CYB561A3: variants seen among roughly 807,000 people sequenced by gnomAD.
CYB561A3 encodes cytochrome b561 family member A3.
CYB561A3 carries 16 observed loss-of-function variants against 25.3 expected under a neutral mutation model. That is an observed-to-expected ratio of 0.63 (90% CI 0.43 to 0.96). The LOEUF is 0.96. Ranked by LOEUF, CYB561A3 falls within the 40% of genes least tolerant of loss-of-function variation. The pLI is 0.00. For synonymous variants in CYB561A3, 131 were observed against 129.9 expected (o/e 1.01, Z -0.06); for missense variants, 219 against 307.5 (o/e 0.71, Z 2.15).
Position 61,351,117 on chromosome 11 carries a change from C to T in CYB561A3, c.579G>A (p.Leu193=). The T allele has an allele frequency of 1.9e-6, 3 of 1,613,710 alleles. No individual in the cohort carries two copies. Among genetic ancestry groups the T allele is most frequent in the Non-Finnish European group, 2.5e-6 (3 of 1,179,840 alleles). The change falls in exon 6 of 7, where the codon CTG becomes CTA. Residue 193 remains leucine (L), a synonymous_variant. Transcript: ENST00000294072. ...LKNTTRPYHS[L]PSEAVFANST... is the part of the protein sequence containing the mutation. The stretch of plus-strand genomic sequence containing the variant: ...TGTTGGCAAAGACCGCCTCACTGGG[C>T]AGGCTGTGGTATGGCCTGGTGGTGT...
chr11:61,351,912 T>C (rs1857428358), intron 5 of CYB561A3: 1 of 152,114 alleles, frequency 6.6e-6, no homozygotes, highest in African/African-American at 2.4e-5. Context: ...AGATGCTATC[T>C]CTTGGCTGGG....
intron 3 of CYB561A3, among the ~76,000 whole-genome samples, chr11:61,355,613 G>A (rs1029784239): frequency 2.0e-5 from 3 of 151,548 alleles, no homozygotes; most frequent in Admixed American, 6.6e-5. Context: ...CCCAGGAGGC[G>A]GAGGTTGCAG....
intron 2 of CYB561A3, chr11:61,357,209 C>T: frequency 6.4e-7 from 1 of 1,551,512 alleles, no homozygotes; most frequent in East Asian, 2.4e-5. Context: ...TTACCCTAGA[C>T]AGGAAGGAGT....
intron 5 of CYB561A3, chr11:61,352,505 C>CA (rs1424148351): frequency 6.0e-6 from 1 of 167,032 alleles, no homozygotes; most frequent in Non-Finnish European, 1.3e-5. Context: ...ACTAAAAATT[C>CA]AAAAAATTAG....
chr11:61,352,938 C>T, intron 5 of CYB561A3, 47 bp downstream of exon 5: 2 of 1,613,892 alleles, frequency 1.2e-6, no homozygotes, highest in South Asian at 2.2e-5. Context: ...TTTGAAGACC[C>T]TATTCCCTCC....
chr11:61,353,311 C>A, intron 4 of CYB561A3, 172 bp from the exon 5 acceptor site: 1 of 806,356 alleles, frequency 1.2e-6, no homozygotes, highest in Non-Finnish European at 1.9e-6. Context: ...GCCTATTACC[C>A]AAGCAACAAG....
At chr11:61,357,139 C>T in intron 2 of CYB561A3, 3 of 1,527,852 alleles carry the variant, frequency 2.0e-6, no homozygotes, top group Non-Finnish European at 2.7e-6. Flanking sequence ...AACACCCAGG[C>T]CTTGGGTTCT....
intron 1 of CYB561A3, 61 bp from the exon 2 acceptor site, chr11:61,357,889 G>A (rs930266600): frequency 2.6e-5 from 4 of 152,348 alleles, no homozygotes; most frequent in Admixed American, 6.5e-5. Context: ...CACCAGCTAC[G>A]AGCACCAGAG....
chr11:61,349,838 C>T lies in CYB561A3; in HGVS notation c.*561G>A. 1 of 583,768 alleles carries T rather than the reference C, an allele frequency of 1.7e-6. No homozygotes were observed. The highest frequency in any genetic ancestry group is 3.1e-6 in the Non-Finnish European group (1 of 323,726). The allele number at this position is 583,768 out of a possible 1,614,324, so 36.2% of individuals were successfully genotyped here. On this transcript the variant is annotated 3_prime_UTR_variant, in exon 7 of 7. Transcript: ENST00000294072. Reference sequence around the variant, plus strand: ...TGGATGGCAGAGCAGATGAAGCCTGCTCTGTGGCGGGGCAGCCTAACTGAA... The same window carrying T: ...TGGATGGCAGAGCAGATGAAGCCTGTTCTGTGGCGGGGCAGCCTAACTGAA...
intron 3 of CYB561A3, among the ~76,000 whole-genome samples, chr11:61,355,859 G>A (rs1043995773): frequency 3.9e-5 from 6 of 152,030 alleles, no homozygotes; most frequent in African/African-American, 1.4e-4. Context: ...GGAGGCTGAG[G>A]TGGGCAGATC....
In CYB561A3 at chr11:61,353,957, C is replaced by A; in HGVS notation, c.220G>T (p.Gly74Trp). Residue 74 changes from glycine to tryptophan, a missense_variant, in exon 4 of 7, where the codon GGG (glycine) becomes TGG (tryptophan). Coordinates refer to ENST00000294072, the MANE Select transcript of CYB561A3 (RefSeq NM_153611.6). ...AGGAGTTTCCAGGGCAGTTTGGGCCCCACCCACGACTGGGGCAGGCGGTAC... is the reference window on the plus strand; with the variant it reads ...AGGAGTTTCCAGGGCAGTTTGGGCCACACCCACGACTGGGGCAGGCGGTAC... ...LVYRLPQSWV[G>W]PKLPWKLLHA... 1 of 1,614,134 alleles carries A rather than the reference C, an allele frequency of 6.2e-7. No individual in the cohort carries two copies. Among genetic ancestry groups the A allele is most frequent in the East Asian group, 2.2e-5 (1 of 44,870 alleles).
Position 61,351,165 on chromosome 11 carries a change from A to G in CYB561A3, c.549-18T>C, listed in dbSNP as rs1857389369. 1 of 1,601,826 alleles carries G rather than the reference A, an allele frequency of 6.2e-7. No individual in the cohort carries two copies. Among genetic ancestry groups the G allele is most frequent in the Admixed American group, 1.7e-5 (1 of 58,380 alleles). On this transcript the variant is annotated intron_variant, in intron 5 of 6. Coordinates refer to ENST00000294072, the MANE Select transcript of CYB561A3 (RefSeq NM_153611.6). The stretch of plus-strand genomic sequence containing the variant: ...TGTTTTTCCTGAAGATGACAAAACA[A>G]TGTGAGCCCTCGAGAGATTTTTCCA...
chr11:61,356,374 C>A, intron 3 of CYB561A3, 156 bp downstream of exon 3: 1 of 951,684 alleles, frequency 1.1e-6, no homozygotes, highest in Non-Finnish European at 1.4e-6. Flanking sequence ...TTAACCCCTT[C>A]CTCCCCCAAA....
intron 1 of CYB561A3, chr11:61,360,663 C>T (rs1444366407): frequency 6.6e-6 from 1 of 152,204 alleles, no homozygotes; most frequent in East Asian, 1.9e-4. Context: ...TAGTTCCCAT[C>T]CAGCCCTTAG....
chr11:61,351,215 C>G (rs1007743021), intron 5 of CYB561A3, 68 bp from the exon 6 acceptor site: 1 of 1,499,660 alleles, frequency 6.7e-7, no homozygotes, highest in Non-Finnish European at 9.0e-7. Context: ...GTGGGAGACT[C>G]GATGTCACTA....
At chr11:61,354,962 G>A (rs1023872283) in intron 3 of CYB561A3, among the ~76,000 whole-genome samples, 6 of 148,954 alleles carry the variant, frequency 4.0e-5, no homozygotes, top group South Asian at 2.1e-4. Context: ...TCCGCCTCCC[G>A]GGTTCACGCC....
In CYB561A3 at chr11:61,352,968, G is replaced by A. The variant is rs1857486356; in HGVS notation, c.548+17C>T. On this transcript the variant is annotated intron_variant, in intron 5 of 6. Transcript: ENST00000294072. Reference sequence around the variant, plus strand: ...CCCTCCTCTTCACCTTAGAGTTGGGGACCCCACTGCACTCACAAACTGAAG... The same window carrying A: ...CCCTCCTCTTCACCTTAGAGTTGGGAACCCCACTGCACTCACAAACTGAAG... 6.2e-7 allele frequency: 1 copy of A among 1,614,080 alleles called. No individual in the cohort carries two copies. The highest frequency in any genetic ancestry group is 8.5e-7 in the Non-Finnish European group (1 of 1,180,018).
Sources: gnomAD v4.1 joint callset for allele counts (sites outside exome capture counted in the v4.1 genomes callset) on GRCh38, gnomAD v4.1.1 for gene constraint, MANE v1.5 for transcripts, NCBI Gene and HGNC (gene_info 2026-07-23, HGNC 2026-07-21) for gene names.